Variants in HUS1 observed in about 807,000 individuals in gnomAD.
The protein encoded by HUS1 is checkpoint protein HUS1.
In HUS1, 31 loss-of-function variants were observed where a neutral mutation model predicts 32.6. The ratio of observed to expected loss-of-function variants is 0.95; its 90% CI spans 0.72 to 1.28. HUS1 has a LOEUF of 1.28. Among genes scored for constraint, HUS1 ranks in the 50% most tolerant of loss-of-function variants. The pLI, the probability that HUS1 is intolerant of heterozygous loss-of-function variation, is 0.00. For synonymous variants in HUS1, 123 were observed against 116.6 expected (o/e 1.06, Z -0.36); for missense variants, 340 against 337.7 (o/e 1.01, Z -0.05).
chr7:47,967,604 T>C (rs898298464), intron 7 of HUS1, among the ~76,000 whole-genome samples: 1 of 152,078 alleles, frequency 6.6e-6, no homozygotes, highest in Admixed American at 6.6e-5. Context: ...CCAGGGGTTG[T>C]TTCTCTGCTG....
chr7:47,967,686 A>G, intron 7 of HUS1, 120 bp downstream of exon 7: 1 of 958,330 alleles, frequency 1.0e-6, no homozygotes, highest in Non-Finnish European at 1.5e-6. Flanking sequence ...AGTCCACATA[A>G]TTGAGCTTTT....
In HUS1 at chr7:47,969,254, G is replaced by A; in HGVS notation, c.605C>T (p.Thr202Ile). The A allele has an allele frequency of 6.3e-7, 1 of 1,587,910 alleles. No homozygotes were observed. The highest frequency in any genetic ancestry group is 8.6e-7 in the Non-Finnish European group (1 of 1,161,514). The stretch of plus-strand genomic sequence containing the variant: ...ATTTCCAAGATCTTTAAAATGAGTT[G>A]TAACACATACTAATTCAGTTTCTAT... ...LKIETELVCV[T>I]THFKDLGNPP... Residue 202 changes from threonine (T) to isoleucine (I), a missense_variant, in exon 6 of 8, where the codon ACA (threonine) becomes ATA (isoleucine). By Grantham distance (89) the Thr-to-Ile change is moderately conservative (BLOSUM62 -1). Transcript: ENST00000258774.
intron 3 of HUS1, among the ~76,000 whole-genome samples, 180 bp from the exon 4 acceptor site, chr7:47,977,017 T>C (rs1788719203): frequency 6.7e-6 from 1 of 149,526 alleles, no homozygotes. Flanking sequence ...GAACAGACTC[T>C]GGGTACTTCC....
intron 5 of HUS1, among the ~76,000 whole-genome samples, chr7:47,970,642 A>C (rs1788579649): frequency 6.6e-6 from 1 of 152,228 alleles, no homozygotes; most frequent in Non-Finnish European, 1.5e-5. Context: ...AAGTGAATGA[A>C]GAGTTCGGCC....
intron 1 of HUS1, 134 bp downstream of exon 1, chr7:47,979,333 AC>A (rs956312581): frequency 2.2e-5 from 6 of 270,668 alleles, no homozygotes; most frequent in Non-Finnish European, 3.7e-5. Flanking sequence ...CTACACCAGC[AC>A]CCCCATCCCG....
chr7:47,967,090 T>G (rs1788494985), intron 7 of HUS1, among the ~76,000 whole-genome samples: 1 of 152,202 alleles, frequency 6.6e-6, no homozygotes, highest in Non-Finnish European at 1.5e-5. Flanking sequence ...GGTGCAGTGT[T>G]GGCTCAACCT....
chr7:47,972,885 G>A (rs916110624), intron 5 of HUS1, among the ~76,000 whole-genome samples: 1 of 152,138 alleles, frequency 6.6e-6, no homozygotes, highest in African/African-American at 2.4e-5. Flanking sequence ...ATATAGTATG[G>A]CAATGATGTG....
intron 5 of HUS1, among the ~76,000 whole-genome samples, chr7:47,970,279 A>T (rs886913641): frequency 6.6e-6 from 1 of 150,926 alleles, no homozygotes; most frequent in Non-Finnish European, 1.5e-5. Context: ...AATAGACGCT[A>T]TGACACAACA....
intron 7 of HUS1, among the ~76,000 whole-genome samples, chr7:47,965,692 G>C (rs887668738): frequency 1.3e-5 from 2 of 152,302 alleles, no homozygotes; most frequent in East Asian, 1.9e-4. Flanking sequence ...CACCCAGCAG[G>C]CTGGCTTCCT....
Position 47,963,432 on chromosome 7 carries a change from C to G in HUS1, c.*1924G>C, listed in dbSNP as rs545833663. ...TAAGTCACTAACACATTCTCTTTAACAGCAATTTCAGTTTTATAAAACTAC... is the reference window on the plus strand; with the variant it reads ...TAAGTCACTAACACATTCTCTTTAAGAGCAATTTCAGTTTTATAAAACTAC... On this transcript the variant is annotated 3_prime_UTR_variant, in exon 8 of 8. Coordinates refer to ENST00000258774, the MANE Select transcript of HUS1 (RefSeq NM_004507.4). 6.6e-6 allele frequency: 1 copy of G among 152,196 alleles called. No individual in the cohort carries two copies. Among genetic ancestry groups the G allele is most frequent in the African/African-American group, 2.4e-5 (1 of 41,446 alleles). The allele number at this position is 152,196 out of a possible 1,614,324, so 9.4% of individuals were successfully genotyped here.
chr7:47,976,833 G>A lies in HUS1; in HGVS notation c.362C>T (p.Ser121Phe). 6.3e-7 allele frequency: 1 copy of A among 1,592,344 alleles called. No individual in the cohort carries two copies. The highest frequency in any genetic ancestry group is 8.6e-7 in the Non-Finnish European group (1 of 1,160,944). Reference protein sequence around the residue: ...PCLTVSVELLSMSSSSRIVTH... With the variant: ...PCLTVSVELLFMSSSSRIVTH... ...CACAATGCGGCTACTGCTTGACATAGATAACTGCCAAGAAAAGAATTTAAA... is the reference window on the plus strand; with the variant it reads ...CACAATGCGGCTACTGCTTGACATAAATAACTGCCAAGAAAAGAATTTAAA... The change falls in exon 4 of 8, where the codon TCT (serine) becomes TTT (phenylalanine). Residue 121 changes from serine (S) to phenylalanine (F), a missense_variant. By Grantham distance (155) the Ser-to-Phe change is radical (BLOSUM62 -2). Transcript: ENST00000258774.
chr7:47,978,666 G>C, intron 2 of HUS1, 23 bp downstream of exon 2: 1 of 1,613,852 alleles, frequency 6.2e-7, no homozygotes, highest in Non-Finnish European at 8.5e-7. Context: ...GAGTGTGCAG[G>C]CCTCTCAGAA....
intron 1 of HUS1, 137 bp from the exon 2 acceptor site, chr7:47,978,953 G>A (rs1788768196): frequency 7.4e-6 from 6 of 812,898 alleles, no homozygotes; most frequent in Admixed American, 2.4e-5. Flanking sequence ...ACACTGGAAA[G>A]TACTTTAATA....
chr7:47,975,671 G>A lies in HUS1; in HGVS notation c.482C>T (p.Pro161Leu). ...VPDPDVSIYL[P>L]VLKTMKSVVE... ...AACACTCTTCATAGTCTTCAAGACTGGTAAATAAATACTAACCTACAAAAC... is the reference window on the plus strand; with the variant it reads ...AACACTCTTCATAGTCTTCAAGACTAGTAAATAAATACTAACCTACAAAAC... Residue 161 changes from proline (P) to leucine (L), a missense_variant, in exon 5 of 8, where the codon CCA becomes CTA. Pro to Leu is a moderately conservative substitution (Grantham distance 98, BLOSUM62 -3). Coordinates refer to ENST00000258774, the MANE Select transcript of HUS1 (RefSeq NM_004507.4). The A allele has an allele frequency of 1.3e-6, 2 of 1,588,462 alleles. No homozygotes were observed. Among genetic ancestry groups the A allele is most frequent in the Non-Finnish European group, 1.7e-6 (2 of 1,161,726 alleles).
chr7:47,967,352 G>T lies in HUS1; in HGVS notation c.760+454C>A, dbSNP rs114162551. ...CAACCAGCAGCCAAGGGACAGATAT[G>T]GGGCAGCGAATGCAGGCCAGCATAG... On this transcript the variant is annotated intron_variant, in intron 7 of 7. Transcript: ENST00000258774. Among the ~76,000 whole-genome samples, 442 of 152,324 alleles carry T rather than the reference G, an allele frequency of 2.9e-3. 2 individuals are homozygous for T. Among genetic ancestry groups the T allele is most frequent in the African/African-American group, 0.01 (424 of 41,578 alleles).
At chr7:47,965,884 G>A (rs956736955) in intron 7 of HUS1, among the ~76,000 whole-genome samples, 12 of 152,090 alleles carry the variant, frequency 7.9e-5, no homozygotes, top group African/African-American at 2.7e-4. Context: ...CCAATCCCGT[G>A]AGGGCCATGG....
Position 47,969,332 on chromosome 7 carries a change from A to G in HUS1, c.541-14T>C, listed in dbSNP as rs781449438. The G allele has an allele frequency of 1.4e-6, 2 of 1,421,638 alleles. No homozygotes were observed. Among genetic ancestry groups the G allele is most frequent in the Non-Finnish European group, 2.0e-6 (2 of 1,016,242 alleles). The allele number at this position is 1,421,638 out of a possible 1,614,324, so 88.1% of individuals were successfully genotyped here. A position where few individuals can be genotyped will look rare whatever the true frequency, so the allele number is the denominator to read the frequency against. On this transcript the variant is annotated splice_polypyrimidine_tract_variant and intron_variant, in intron 5 of 7. Transcript: ENST00000258774. ...TGCTTCAATAACCTGCAAATTGAGT[A>G]TTTTACATAGTCTTAGAAAAGGAAG...
At chr7:47,973,797 AC>A (rs756250015) in intron 5 of HUS1, among the ~76,000 whole-genome samples, 1 of 152,166 alleles carries the variant, frequency 6.6e-6, no homozygotes, top group Non-Finnish European at 1.5e-5. Context: ...ATTCTAAGCT[AC>A]CCTTCTACCT....
Position 47,967,924 on chromosome 7 carries a change from G to T in HUS1, c.642C>A (p.Ala214=), listed in dbSNP as rs1044734401. The T allele has an allele frequency of 9.3e-6, 15 of 1,609,776 alleles. No individual in the cohort carries two copies. The highest frequency in any genetic ancestry group is 1.2e-5 in the Non-Finnish European group (14 of 1,178,104). ...HFKDLGNPPL[A]SESTHEDRNV... is the part of the protein sequence containing the mutation. ...TTCTGTCCTCATGGGTGCTTTCAGA[G>T]GCTAAAATGATAGGAATGCATTTAA... Residue 214 remains alanine, a splice_region_variant and synonymous_variant, in exon 7 of 8, where the codon GCC becomes GCA. Transcript: ENST00000258774.
Sources: allele counts gnomAD v4.1 joint callset (sites outside exome capture counted in the v4.1 genomes callset), GRCh38; gene constraint gnomAD v4.1.1; transcripts MANE v1.5; gene names NCBI Gene and HGNC (gene_info 2026-07-23, HGNC 2026-07-21).